Variants in FRMPD4 observed in about 807,000 individuals in gnomAD.
FRMPD4 encodes FERM and PDZ domain containing 4.
A neutral mutation model predicts 94.1 loss-of-function variants in FRMPD4; 22 were observed. The ratio of observed to expected loss-of-function variants is 0.23; its 90% CI spans 0.17 to 0.33. The LOEUF is 0.33. Among genes scored for constraint, FRMPD4 ranks in the 10% least tolerant of loss-of-function variants. The probability of loss-of-function intolerance (pLI) is 1.00; values close to 1 mark genes in which losing one functional copy is unlikely to be tolerated. For missense variants in FRMPD4, 1,111 were observed against 1,339.9 expected (o/e 0.83, Z 2.67); for synonymous variants, 631 against 548.6 (o/e 1.15, Z -2.10).
At chrX:12,188,443 A>G (rs1276567987) in intron 1 of FRMPD4, among the ~76,000 whole-genome samples, 1 of 111,681 alleles carries the variant, frequency 9.0e-6, no homozygotes, top group Non-Finnish European at 1.9e-5. Flanking sequence ...TGTATATGTC[A>G]TTGCTATTGT....
In FRMPD4 at chrX:12,313,157, G is replaced by A. The variant is rs1209228781; in HGVS notation, c.41+174145G>A. Among the ~76,000 whole-genome samples the A allele has an allele frequency of 3.6e-5, 4 of 112,385 alleles. No homozygotes were observed. The East Asian group carries it at 1.1e-3, about 31-fold the overall frequency. Reference sequence around the variant, plus strand: ...CACTAGAGTTCATCCTGGGAGCCACGGAGGGACAAGTTTCAAACTTGAGAA... The same window carrying A: ...CACTAGAGTTCATCCTGGGAGCCACAGAGGGACAAGTTTCAAACTTGAGAA... On this transcript the variant is annotated intron_variant, in intron 1 of 16. Transcript: ENST00000675598.
chrX:11,827,629 G>C (rs1384160205), intron 1 of FRMPD4, among the ~76,000 whole-genome samples: 1 of 111,628 alleles, frequency 9.0e-6, no homozygotes, highest in Admixed American at 9.6e-5. Flanking sequence ...TAGCCATTTA[G>C]CGCCTGAATA....
chrX:12,154,958 T>A (rs919365152), intron 1 of FRMPD4, among the ~76,000 whole-genome samples: 2 of 112,519 alleles, frequency 1.8e-5, no homozygotes, highest in East Asian at 5.6e-4. Flanking sequence ...CAGAGCACTG[T>A]GAGCATTCTC....
intron 3 of FRMPD4, among the ~76,000 whole-genome samples, chrX:11,949,658 A>G (rs112378278): frequency 0.013 from 1,449 of 111,215 alleles, 29 homozygotes; most frequent in African/African-American, 0.045. Flanking sequence ...CCTATCTGGA[A>G]TGTCTCTGAT....
At chrX:12,058,481 C>A (rs1251735483) in intron 3 of FRMPD4, among the ~76,000 whole-genome samples, 1 of 110,336 alleles carries the variant, frequency 9.1e-6, no homozygotes, top group Non-Finnish European at 1.9e-5. Flanking sequence ...CAACAAGAGT[C>A]AATCATAAAA....
intron 3 of FRMPD4, among the ~76,000 whole-genome samples, chrX:12,057,488 T>G (rs1423469507): frequency 8.9e-6 from 1 of 112,222 alleles, no homozygotes; most frequent in East Asian, 2.8e-4. Flanking sequence ...TACAATAAAT[T>G]GAAGTATACT....
At position 12,718,601 on chromosome X, in the gene FRMPD4, A is replaced by G; in HGVS notation, c.3775A>G (p.Ile1259Val). The G allele has an allele frequency of 8.3e-7, 1 of 1,210,758 alleles. No homozygotes were observed. The highest frequency in any genetic ancestry group is 3.0e-5 in the East Asian group (1 of 33,817). ...CGCTTCTGGGAAAGGCGTGAATTAC[A>G]TTCCTTCAGAGGAGAGAGCCCCTGG... ...PDASGKGVNY[I>V]PSEERAPGLP... Residue 1259 changes from isoleucine (I) to valine (V), a missense_variant, in exon 16 of 17, where the codon ATT becomes GTT. Transcript: ENST00000675598.
intron 3 of FRMPD4, among the ~76,000 whole-genome samples, chrX:12,015,101 C>A (rs1412826846): frequency 9.0e-6 from 1 of 111,299 alleles, no homozygotes; most frequent in Non-Finnish European, 1.9e-5. Context: ...ACATTCTTGA[C>A]AATTTTTTTT....
At chrX:12,544,931 T>C (rs1447360545) in intron 2 of FRMPD4, among the ~76,000 whole-genome samples, 1 of 112,308 alleles carries the variant, frequency 8.9e-6, no homozygotes, top group Non-Finnish European at 1.9e-5. Context: ...GACTAGATTC[T>C]GCATACTTTT....
chrX:11,862,107 C>A (rs1967549906), intron 1 of FRMPD4, among the ~76,000 whole-genome samples: 1 of 111,334 alleles, frequency 9.0e-6, no homozygotes, highest in South Asian at 3.8e-4. Flanking sequence ...GGGAAATTCA[C>A]CCCCATGATC....
intron 3 of FRMPD4, 101 bp from the exon 4 acceptor site, chrX:12,614,678 T>G (rs1285718511): frequency 4.2e-6 from 2 of 480,955 alleles, no homozygotes; most frequent in Non-Finnish European, 7.5e-6. Context: ...TCGGTTTTGC[T>G]GATAGCACCA....
At chrX:12,476,129 G>C (rs1166856382) in intron 1 of FRMPD4, among the ~76,000 whole-genome samples, 1 of 111,239 alleles carries the variant, frequency 9.0e-6, no homozygotes, top group East Asian at 2.8e-4. Context: ...TAGATCAATG[G>C]AACAGAACAG....
chrX:12,490,834 AT>A (rs780787567), intron 1 of FRMPD4, among the ~76,000 whole-genome samples: 7 of 111,034 alleles, frequency 6.3e-5, no homozygotes, highest in African/African-American at 2.3e-4. Context: ...CTGCATATTG[AT>A]TTTTTTTATT....
intron 3 of FRMPD4, among the ~76,000 whole-genome samples, chrX:12,118,765 C>T (rs1363002367): frequency 8.9e-6 from 1 of 112,113 alleles, no homozygotes; most frequent in Non-Finnish European, 1.9e-5. Flanking sequence ...TTATATTATG[C>T]AGTCACTCAG....
At chrX:12,508,811 G>A (rs977746996) in intron 2 of FRMPD4, among the ~76,000 whole-genome samples, 5 of 109,217 alleles carry the variant, frequency 4.6e-5, no homozygotes, top group Non-Finnish European at 9.5e-5. Flanking sequence ...GACCAATATG[G>A]TGAAACCCCA....
At chrX:12,468,686 G>A (rs1233535998) in intron 1 of FRMPD4, among the ~76,000 whole-genome samples, 1 of 111,789 alleles carries the variant, frequency 8.9e-6, no homozygotes, top group Non-Finnish European at 1.9e-5. Context: ...CCCAAGTAGA[G>A]AGAATATTCT....
chrX:12,355,193 T>A (rs748110934), intron 1 of FRMPD4, among the ~76,000 whole-genome samples: 58 of 109,590 alleles, frequency 5.3e-4, no homozygotes, highest in South Asian at 2.0e-3. Flanking sequence ...TTTTTTTTTT[T>A]TATATAAGAT....
At chrX:12,306,989 G>T (rs2054951397) in intron 1 of FRMPD4, among the ~76,000 whole-genome samples, 1 of 112,394 alleles carries the variant, frequency 8.9e-6, no homozygotes, top group Non-Finnish European at 1.9e-5. Context: ...AAAAACAAAG[G>T]CCACCAAGTG....
intron 1 of FRMPD4, among the ~76,000 whole-genome samples, chrX:12,243,479 T>C (rs1292853476): frequency 8.9e-6 from 1 of 112,118 alleles, no homozygotes; most frequent in Non-Finnish European, 1.9e-5. Flanking sequence ...CAGGTTTTCA[T>C]TTTAGTTAGC....
Sources: gnomAD v4.1 joint callset for allele counts (sites outside exome capture counted in the v4.1 genomes callset) on GRCh38, gnomAD v4.1.1 for gene constraint, MANE v1.5 for transcripts, NCBI Gene and HGNC (gene_info 2026-07-23, HGNC 2026-07-21) for gene names.